Variants in CATSPERT observed in about 807,000 individuals in gnomAD.
CATSPERT encodes catsper channel auxiliary subunit tau.
chr2:201,492,445 C>T, the CATSPERT span: 1 of 1,532,904 alleles, frequency 6.5e-7, no homozygotes, highest in Non-Finnish European at 8.7e-7. Flanking sequence ...TAGAGATTTA[C>T]TTAAAGGATA....
the CATSPERT span, among the ~76,000 whole-genome samples, chr2:201,560,764 T>C: frequency 6.6e-6 from 1 of 151,774 alleles, no homozygotes; most frequent in Non-Finnish European, 1.5e-5. Flanking sequence ...CCAACACCTA[T>C]ATTTCAGCCT....
the CATSPERT span, among the ~76,000 whole-genome samples, chr2:201,564,949 A>C: frequency 1.3e-5 from 2 of 152,220 alleles, no homozygotes; most frequent in African/African-American, 4.8e-5. Context: ...ATAAAAATGA[A>C]GGGAAATTCC....
At chr2:201,555,574 G>A in the CATSPERT span, 1 of 152,072 alleles carries the variant, frequency 6.6e-6, no homozygotes, top group Non-Finnish European at 1.5e-5. Flanking sequence ...AACATTTATA[G>A]CCATTTTCAT....
chr2:201,489,759 A>G, the CATSPERT span, among the ~76,000 whole-genome samples: 1 of 152,202 alleles, frequency 6.6e-6, no homozygotes, highest in Non-Finnish European at 1.5e-5. Context: ...ACTATAGGGA[A>G]GACCAGTGAT....
the CATSPERT span, among the ~76,000 whole-genome samples, chr2:201,541,531 T>TTTTATATATATATATA: frequency 1.1e-5 from 1 of 92,768 alleles, no homozygotes; most frequent in African/African-American, 4.5e-5. Context: ...TCAGATGATT[T>TTTTATATATATATATA]TATATATATA....
At chr2:201,520,812 C>G in the CATSPERT span, among the ~76,000 whole-genome samples, 1 of 150,768 alleles carries the variant, frequency 6.6e-6, no homozygotes. Flanking sequence ...TCGCTTGAGT[C>G]TGGGAGGTGA....
chr2:201,559,183 A>G, the CATSPERT span, among the ~76,000 whole-genome samples: 1 of 152,128 alleles, frequency 6.6e-6, no homozygotes, highest in Admixed American at 6.5e-5. Context: ...TACCCCCAAT[A>G]AGGGCCAGAG....
the CATSPERT span, among the ~76,000 whole-genome samples, chr2:201,574,691 T>C: frequency 6.6e-6 from 1 of 152,134 alleles, no homozygotes; most frequent in Non-Finnish European, 1.5e-5. Flanking sequence ...TTTAGACAAG[T>C]GATTTCACTT....
At chr2:201,581,760 C>T in the CATSPERT span, among the ~76,000 whole-genome samples, 1 of 150,438 alleles carries the variant, frequency 6.6e-6, no homozygotes, top group Non-Finnish European at 1.5e-5. Flanking sequence ...AGGCATGGGC[C>T]ACCATGTCCA....
chr2:201,575,421 CTGGTG>C, the CATSPERT span: 29 of 908,042 alleles, frequency 3.2e-5, no homozygotes, highest in Non-Finnish European at 3.8e-5. Context: ...AGGCCATGGA[CTGGTG>C]CTGGTCCATG....
chr2:201,575,034 C>CAAAAAAAAA, the CATSPERT span, among the ~76,000 whole-genome samples: 6 of 97,884 alleles, frequency 6.1e-5, no homozygotes, highest in Non-Finnish European at 4.2e-5. Flanking sequence ...CACCATTTAG[C>CAAAAAAAAA]AAAAAAAAAA....
the CATSPERT span, among the ~76,000 whole-genome samples, chr2:201,601,193 C>A: frequency 6.6e-6 from 1 of 151,858 alleles, no homozygotes; most frequent in South Asian, 2.1e-4. Context: ...AACCACTTAC[C>A]ACTTACCAGC....
the CATSPERT span, among the ~76,000 whole-genome samples, chr2:201,505,865 G>T: frequency 6.6e-6 from 1 of 152,314 alleles, no homozygotes; most frequent in East Asian, 1.9e-4. Context: ...ATGGAAGAAA[G>T]TGGATGAGGG....
the CATSPERT span, among the ~76,000 whole-genome samples, chr2:201,610,646 A>G: frequency 6.6e-6 from 1 of 152,170 alleles, no homozygotes; most frequent in South Asian, 2.1e-4. Flanking sequence ...AAAACCAGAC[A>G]AGGATACAAC....
chr2:201,516,231 T>A, the CATSPERT span, among the ~76,000 whole-genome samples: 1 of 152,204 alleles, frequency 6.6e-6, no homozygotes, highest in Non-Finnish European at 1.5e-5. Context: ...CTTATGGTAC[T>A]GCCGTCACAT....
At chr2:201,493,358 T>C in the CATSPERT span, 6 of 1,536,852 alleles carry the variant, frequency 3.9e-6, no homozygotes, top group Non-Finnish European at 4.4e-6. Flanking sequence ...TCTTTGGGAA[T>C]GATGGGTATA....
chr2:201,603,103 T>C, the CATSPERT span: 4 of 781,822 alleles, frequency 5.1e-6, no homozygotes, highest in African/African-American at 5.3e-5. Flanking sequence ...ACAGTAGTGA[T>C]TGATGATAAA....
chr2:201,511,381 A>G, the CATSPERT span, among the ~76,000 whole-genome samples: 1 of 152,192 alleles, frequency 6.6e-6, no homozygotes, highest in Admixed American at 6.5e-5. Flanking sequence ...GATAGGTAGT[A>G]TACTCATTTT....
the CATSPERT span, among the ~76,000 whole-genome samples, chr2:201,615,541 G>A: frequency 2.0e-5 from 3 of 152,076 alleles, no homozygotes; most frequent in African/African-American, 4.8e-5. Flanking sequence ...AGAATCTCTG[G>A]GACACATTTA....
Sources: gnomAD v4.1 joint callset for allele counts (sites outside exome capture counted in the v4.1 genomes callset) on GRCh38, gnomAD v4.1.1 for gene constraint, MANE v1.5 for transcripts, NCBI Gene and HGNC (gene_info 2026-07-23, HGNC 2026-07-21) for gene names.